The following GPHN variants were observed in gnomAD, a reference collection of about 807,000 sequenced individuals.
GPHN encodes gephyrin.
A neutral mutation model predicts 95.5 loss-of-function variants in GPHN; 17 were observed. The observed-to-expected ratio is 0.18, with a 90% CI of 0.12 to 0.27. The LOEUF is 0.27. Ranked by LOEUF, GPHN falls within the 10% of genes least tolerant of loss-of-function variation. The pLI, the probability that GPHN is intolerant of heterozygous loss-of-function variation, is 1.00. For missense variants in GPHN, 660 were observed against 978.1 expected (o/e 0.67, Z 4.34); for synonymous variants, 320 against 322.5 (o/e 0.99, Z 0.08).
At chr14:66,896,448 C>G (rs187996429) in intron 5 of GPHN, among the ~76,000 whole-genome samples, 30 of 152,024 alleles carry the variant, frequency 2.0e-4, no homozygotes, top group South Asian at 1.2e-3. Flanking sequence ...GCAAAACTCT[C>G]TTTACAAAAA....
At chr14:67,318,191 A>G in the GPHN span, among the ~76,000 whole-genome samples, 90 of 152,346 alleles carry the variant, frequency 5.9e-4, 1 homozygote, top group Admixed American at 1.8e-3. Flanking sequence ...CTTCTTATGT[A>G]ATTTATAAGG....
the GPHN span, among the ~76,000 whole-genome samples, chr14:67,669,122 T>G: frequency 2.0e-5 from 3 of 152,156 alleles, no homozygotes; most frequent in Non-Finnish European, 4.4e-5. Flanking sequence ...TTATCCCCAT[T>G]TGGCAGGAAA....
chr14:67,448,551 G>A, the GPHN span, among the ~76,000 whole-genome samples: 1 of 152,088 alleles, frequency 6.6e-6, no homozygotes, highest in South Asian at 2.1e-4. Context: ...GGTGAGTGTG[G>A]CAGCCCCTAC....
the GPHN span, among the ~76,000 whole-genome samples, chr14:67,411,047 T>C: frequency 6.9e-6 from 1 of 145,136 alleles, no homozygotes; most frequent in Admixed American, 7.3e-5. Flanking sequence ...CTAGGGAAGC[T>C]GAGGTGAGAG....
chr14:66,535,124 A>G (rs567254458), intron 1 of GPHN, among the ~76,000 whole-genome samples: 4 of 152,184 alleles, frequency 2.6e-5, no homozygotes, highest in Admixed American at 6.5e-5. Context: ...TTTTTACTCA[A>G]AGCTCTATGA....
chr14:67,085,931 A>G (rs925625659), intron 11 of GPHN, among the ~76,000 whole-genome samples: 3 of 152,158 alleles, frequency 2.0e-5, no homozygotes, highest in Admixed American at 6.5e-5. Context: ...TGACTACTCT[A>G]TGTACCTCAT....
intron 4 of GPHN, among the ~76,000 whole-genome samples, chr14:66,858,091 C>T (rs557728022): frequency 4.6e-4 from 70 of 152,244 alleles, no homozygotes; most frequent in Middle Eastern, 3.4e-3. Context: ...AGGCAGTCTG[C>T]GCTCCAAGAA....
intron 4 of GPHN, among the ~76,000 whole-genome samples, chr14:66,840,077 G>A (rs1202920268): frequency 1.3e-5 from 2 of 151,922 alleles, no homozygotes; most frequent in Admixed American, 6.6e-5. Context: ...TCAGGAGTTC[G>A]AGACCAGCCT....
At chr14:67,457,010 A>G in the GPHN span, among the ~76,000 whole-genome samples, 1 of 152,260 alleles carries the variant, frequency 6.6e-6, no homozygotes, top group African/African-American at 2.4e-5. Flanking sequence ...CATTATCCTG[A>G]GTGAATTAAT....
chr14:67,212,638 A>ATATATATATG, the GPHN span, among the ~76,000 whole-genome samples: 98 of 145,912 alleles, frequency 6.7e-4, no homozygotes, highest in African/African-American at 2.3e-3. Context: ...TATATAATAT[A>ATATATATATG]TATTACATAT....
At chr14:67,094,116 A>G (rs1002207895) in intron 12 of GPHN, among the ~76,000 whole-genome samples, 8 of 152,162 alleles carry the variant, frequency 5.3e-5, no homozygotes. Flanking sequence ...GTATTTCAAG[A>G]GACTTAAAGA....
At chr14:67,182,400 C>T (rs2083339213), downstream of GPHN, among the ~76,000 whole-genome samples, 1 of 151,924 alleles carries the variant, frequency 6.6e-6, no homozygotes, top group Non-Finnish European at 1.5e-5. Flanking sequence ...AAGCAAACTA[C>T]AAAAATTGGC....
intron 21 of GPHN, among the ~76,000 whole-genome samples, chr14:67,173,106 G>T (rs2082693467): frequency 6.6e-6 from 1 of 152,146 alleles, no homozygotes; most frequent in Non-Finnish European, 1.5e-5. Context: ...ACAGACCCTG[G>T]CTCTGTGGAC....
chr14:66,727,806 A>G (rs566370302), intron 2 of GPHN, among the ~76,000 whole-genome samples: 1 of 152,356 alleles, frequency 6.6e-6, no homozygotes, highest in East Asian at 1.9e-4. Flanking sequence ...GATAGAAAAG[A>G]AAATCCCATT....
intron 10 of GPHN, among the ~76,000 whole-genome samples, chr14:67,044,749 C>T (rs1446202775): frequency 6.6e-6 from 1 of 151,942 alleles, no homozygotes; most frequent in Non-Finnish European, 1.5e-5. Context: ...TCCTCCTCCT[C>T]CTCCTCCTCC....
At chr14:67,123,571 G>A (rs1157038222) in intron 17 of GPHN, among the ~76,000 whole-genome samples, 4 of 152,192 alleles carry the variant, frequency 2.6e-5, no homozygotes, top group South Asian at 2.1e-4. Flanking sequence ...AGCTACTCGG[G>A]AGGCTGAGGC....
At chr14:67,470,570 A>T in the GPHN span, 2 of 152,702 alleles carry the variant, frequency 1.3e-5, no homozygotes. Context: ...CCAGGGCTTC[A>T]TAAATGCAGG....
the GPHN span, among the ~76,000 whole-genome samples, chr14:67,266,545 C>T: frequency 6.6e-6 from 1 of 151,936 alleles, no homozygotes; most frequent in Non-Finnish European, 1.5e-5. Context: ...AGGCTGGTCT[C>T]AAACTGCTGA....
chr14:66,573,188 T>C (rs1244706638), intron 1 of GPHN, among the ~76,000 whole-genome samples: 1 of 152,206 alleles, frequency 6.6e-6, no homozygotes, highest in Non-Finnish European at 1.5e-5. Flanking sequence ...GAAGGAATAT[T>C]CTGTGTATAT....
Sources: allele counts gnomAD v4.1 joint callset (sites outside exome capture counted in the v4.1 genomes callset), GRCh38; gene constraint gnomAD v4.1.1; transcripts MANE v1.5; gene names NCBI Gene and HGNC (gene_info 2026-07-23, HGNC 2026-07-21).